Variants in INCENP observed in about 807,000 individuals in gnomAD.
INCENP encodes the protein binds and activates aurora-B and -C in vivo and in vitro.
INCENP carries 43 observed loss-of-function variants against 107.3 expected under a neutral mutation model. The ratio of observed to expected loss-of-function variants is 0.40; its 90% confidence interval spans 0.31 to 0.52. The LOEUF (loss-of-function observed/expected upper bound fraction) is 0.52, where lower values mean the gene tolerates loss of function less well. Among genes scored for constraint, INCENP ranks in the 20% least tolerant of loss-of-function variants. The probability of loss-of-function intolerance (pLI) is 0.53; values close to 1 mark genes in which losing one functional copy is unlikely to be tolerated. For missense variants in INCENP, 1,089 were observed against 1,250.9 expected (o/e 0.87, Z 1.95); for synonymous variants, 488 against 494.4 (o/e 0.99, Z 0.17).
rs1257414808 is a variant in INCENP, at chr11:62,128,762, CCAAA to C, written c.141-5_141-2del. ...AGCCTCGAGTGACACCCTCCTTGTG[CCAAA>C]CAGAGAATTCAGCAAAGAGCCAGAG... On this transcript the variant is annotated splice_polypyrimidine_tract_variant and splice_region_variant and intron_variant, in intron 2 of 18. Transcript: ENST00000394818. 6.2e-7 allele frequency: 1 copy of C among 1,603,540 alleles called. No individual in the cohort carries two copies. The highest frequency in any genetic ancestry group is 1.7e-5 in the Admixed American group (1 of 60,022).
intron 1 of INCENP, among the ~76,000 whole-genome samples, chr11:62,125,028 TTCAGTC>T (rs1227011807): frequency 1.3e-5 from 2 of 152,212 alleles, no homozygotes; most frequent in Non-Finnish European, 2.9e-5. Flanking sequence ...CGATGGGGCC[TTCAGTC>T]TGGTGTATGG....
At chr11:62,147,887 C>T (rs1944287382) in intron 15 of INCENP, among the ~76,000 whole-genome samples, 1 of 152,122 alleles carries the variant, frequency 6.6e-6, no homozygotes, top group South Asian at 2.1e-4. Context: ...GTCATAGTGT[C>T]GGCAGCTTTG....
At position 62,145,169 on chromosome 11, in the gene INCENP, G is replaced by A. The variant is rs1944213807; in HGVS notation, c.1716G>A (p.Leu572=). 5 of 1,614,180 alleles carry A rather than the reference G, an allele frequency of 3.1e-6. No homozygotes were observed. The East Asian group carries it at 8.9e-5, about 29-fold the overall frequency. ...DKRRRLEEVK[L]KREERLRKVL... ...CCCATGACTATCCTATGCCCCGCAGGAAGCGTGAGGAACGCCTCCGCAAGG... is the reference window on the plus strand; with the variant it reads ...CCCATGACTATCCTATGCCCCGCAGAAAGCGTGAGGAACGCCTCCGCAAGG... Residue 572 remains leucine (L), a splice_region_variant and synonymous_variant, in exon 13 of 19, where the codon CTG becomes CTA. Transcript: ENST00000394818.
intron 5 of INCENP, among the ~76,000 whole-genome samples, chr11:62,138,136 G>A (rs1157473691): frequency 6.6e-6 from 1 of 152,234 alleles, no homozygotes; most frequent in African/African-American, 2.4e-5. Context: ...GGCTCCAGAG[G>A]TTGGGGGTGA....
intron 14 of INCENP, 81 bp from the exon 15 acceptor site, chr11:62,146,577 G>A: frequency 1.3e-6 from 2 of 1,523,016 alleles, no homozygotes; most frequent in South Asian, 1.3e-5. Context: ...AGGGGCACCT[G>A]GGCTTCGGGG....
intron 4 of INCENP, among the ~76,000 whole-genome samples, chr11:62,131,089 G>A (rs1792942): frequency 0.49 from 73,700 of 151,958 alleles, 20,114 homozygotes; most frequent in Middle Eastern, 0.63. Flanking sequence ...TGTTTGATCT[G>A]GAGGAGGGAA....
chr11:62,130,143 C>T lies in INCENP; in HGVS notation c.616C>T (p.Pro206Ser). Residue 206 changes from proline (P) to serine (S), a missense_variant, in exon 4 of 19, where the codon CCA becomes TCA. By Grantham distance (74) the Pro-to-Ser change is moderately conservative. Transcript: ENST00000394818. ...LSPTPASATAPTSQGIPTSDE... is the reference protein window; with the variant it reads ...LSPTPASATASTSQGIPTSDE... ...CCCGACTCCAGCTTCAGCCACAGCT[C>T]CAACCTCCCAGGGCATCCCGACATC... 5 of 1,613,890 alleles carry T rather than the reference C, an allele frequency of 3.1e-6. No individual in the cohort carries two copies. Among genetic ancestry groups the T allele is most frequent in the Non-Finnish European group, 4.2e-6 (5 of 1,180,032 alleles).
intron 11 of INCENP, among the ~76,000 whole-genome samples, chr11:62,143,687 G>A (rs1944173681): frequency 6.6e-6 from 1 of 152,170 alleles, no homozygotes; most frequent in South Asian, 2.1e-4. Flanking sequence ...CTAGGCGAGA[G>A]TGCTCCTCCA....
chr11:62,126,560 T>C (rs983897578), intron 1 of INCENP, among the ~76,000 whole-genome samples: 1 of 152,156 alleles, frequency 6.6e-6, no homozygotes, highest in Non-Finnish European at 1.5e-5. Flanking sequence ...AGGCATGCAG[T>C]TTGTTGTTAT....
intron 4 of INCENP, among the ~76,000 whole-genome samples, chr11:62,132,270 G>T (rs1266420517): frequency 1.3e-5 from 2 of 152,246 alleles, no homozygotes. Context: ...AAATCGGGAA[G>T]CTGGGGCTTG....
At chr11:62,140,520 T>A (rs1944092205) in intron 8 of INCENP, among the ~76,000 whole-genome samples, 184 bp from the exon 9 acceptor site, 1 of 152,240 alleles carries the variant, frequency 6.6e-6, no homozygotes, top group African/African-American at 2.4e-5. Flanking sequence ...CCTGGCCATG[T>A]GACCTTGGAC....
At chr11:62,141,474 T>G in intron 10 of INCENP, 26 bp from the exon 11 acceptor site, 1 of 1,613,998 alleles carries the variant, frequency 6.2e-7, no homozygotes, top group South Asian at 1.1e-5. Flanking sequence ...CATTAACTCT[T>G]GCCTTTTCCC....
At chr11:62,151,059 G>A (rs192682052) in intron 18 of INCENP, among the ~76,000 whole-genome samples, 1 of 152,182 alleles carries the variant, frequency 6.6e-6, no homozygotes, top group African/African-American at 2.4e-5. Context: ...GAGCCAGCTC[G>A]CTTGCAAAGC....
At chr11:62,145,897 T>G in intron 14 of INCENP, 146 bp downstream of exon 14, 1 of 1,013,682 alleles carries the variant, frequency 9.9e-7, no homozygotes, top group Non-Finnish European at 1.4e-6. Context: ...TTCCCAGAAG[T>G]CTCCAGGGCG....
At chr11:62,132,078 T>C (rs1460670071) in intron 4 of INCENP, among the ~76,000 whole-genome samples, 1 of 152,234 alleles carries the variant, frequency 6.6e-6, no homozygotes, top group Non-Finnish European at 1.5e-5. Context: ...TGTGAGCTAC[T>C]GCGCCCAGCC....
intron 18 of INCENP, 125 bp from the exon 19 acceptor site, chr11:62,151,637 G>A (rs1944374053): frequency 6.8e-6 from 5 of 731,460 alleles, no homozygotes; most frequent in Non-Finnish European, 1.2e-5. Flanking sequence ...CAGGGGCAGG[G>A]CTGAAGAGGG....
At chr11:62,145,368 A>G (rs1204307965) in intron 13 of INCENP, 79 bp downstream of exon 13, 1 of 1,588,574 alleles carries the variant, frequency 6.3e-7, no homozygotes, top group African/African-American at 1.4e-5. Flanking sequence ...AGGAAATTGC[A>G]GATTTGTCAC....
chr11:62,144,835 C>T, intron 11 of INCENP, 147 bp from the exon 12 acceptor site: 2 of 804,366 alleles, frequency 2.5e-6, no homozygotes, highest in Middle Eastern at 2.2e-4. Context: ...GCTGTTGGGG[C>T]CACGTTGGGG....
chr11:62,125,092 G>C (rs894384329), intron 1 of INCENP, among the ~76,000 whole-genome samples: 3 of 152,204 alleles, frequency 2.0e-5, no homozygotes, highest in African/African-American at 4.8e-5. Flanking sequence ...TGTCTTCCTC[G>C]GTGAGGTGTT....
Sources: gnomAD v4.1 joint callset for allele counts (sites outside exome capture counted in the v4.1 genomes callset) on GRCh38, gnomAD v4.1.1 for gene constraint, MANE v1.5 for transcripts, NCBI Gene and HGNC (gene_info 2026-07-23, HGNC 2026-07-21) for gene names.